GRID2: variants seen among roughly 807,000 people sequenced by gnomAD.
The protein encoded by GRID2 is glutamate receptor ionotropic, delta-2.
A neutral mutation model predicts 114.8 loss-of-function variants in GRID2; 33 were observed. The observed-to-expected ratio is 0.29, with a 90% CI of 0.22 to 0.38. The LOEUF (loss-of-function observed/expected upper bound fraction) is 0.38. Among genes scored for constraint, GRID2 ranks in the 10% least tolerant of loss-of-function variants. GRID2 has a pLI of 1.00. For synonymous variants in GRID2, 505 were observed against 449.9 expected, an observed-to-expected ratio of 1.12 and a Z score of -1.55; for missense variants, 1,184 against 1,257.7, an observed-to-expected ratio of 0.94 and a Z score of 0.89.
intron 1 of GRID2, among the ~76,000 whole-genome samples, chr4:92,395,101 T>C (rs1730428858): frequency 6.6e-6 from 1 of 151,604 alleles, no homozygotes; most frequent in South Asian, 2.1e-4. Flanking sequence ...CATAAATATT[T>C]TCTTTAAAAT....
chr4:92,716,524 C>T (rs1735558955), intron 2 of GRID2, among the ~76,000 whole-genome samples: 1 of 152,146 alleles, frequency 6.6e-6, no homozygotes, highest in South Asian at 2.1e-4. Flanking sequence ...ATATAAGACC[C>T]TCACTTCCCC....
chr4:93,350,593 C>A (rs149147876), intron 8 of GRID2, among the ~76,000 whole-genome samples: 6,022 of 151,772 alleles, frequency 0.04, 155 homozygotes, highest in South Asian at 0.067. Flanking sequence ...TAAAAAAAAT[C>A]CCTCCCTGCC....
At chr4:93,724,983 T>G (rs996308195) in intron 14 of GRID2, among the ~76,000 whole-genome samples, 4 of 152,174 alleles carry the variant, frequency 2.6e-5, no homozygotes, top group African/African-American at 9.6e-5. Context: ...AGTTTTATTT[T>G]TAATTTTATT....
chr4:93,622,194 A>G (rs79500721), intron 13 of GRID2, among the ~76,000 whole-genome samples: 3,786 of 152,272 alleles, frequency 0.025, 168 homozygotes, highest in African/African-American at 0.087. Context: ...TGCAAAGATC[A>G]GAGAAAAGAA....
Position 93,005,513 on chromosome 4 carries a change from C to T in GRID2, c.245-79482C>T, listed in dbSNP as rs191435962. ...ATCTTTTCAAAATGGATACTTTCCT[C>T]GGAACTCTCAAATAACTTATCACTT... On this transcript the variant is annotated intron_variant, in intron 2 of 15. Transcript: ENST00000282020. 1.7e-3 allele frequency among the ~76,000 whole-genome samples: 260 copies of T among 152,052 alleles called. 1 individual carries two copies. Among genetic ancestry groups the T allele is most frequent in the African/African-American group, 6.0e-3 (250 of 41,510 alleles).
chr4:93,056,468 G>GA (rs561977026), intron 2 of GRID2, among the ~76,000 whole-genome samples: 174 of 150,064 alleles, frequency 1.2e-3, no homozygotes, highest in African/African-American at 3.7e-3. Flanking sequence ...GCATAGACTA[G>GA]AAAAAAAAAT....
chr4:93,510,541 T>C (rs1560697143), intron 12 of GRID2, among the ~76,000 whole-genome samples: 1 of 152,212 alleles, frequency 6.6e-6, no homozygotes, highest in Non-Finnish European at 1.5e-5. Flanking sequence ...TAATATAAAA[T>C]TGTATAAATG....
intron 3 of GRID2, among the ~76,000 whole-genome samples, chr4:93,103,861 T>G (rs953062980): frequency 2.6e-5 from 4 of 152,100 alleles, no homozygotes; most frequent in South Asian, 2.1e-4. Flanking sequence ...TTGTTTGTTT[T>G]TTTCCTGAGC....
chr4:93,625,528 G>T (rs942742397), intron 13 of GRID2, among the ~76,000 whole-genome samples: 1 of 152,188 alleles, frequency 6.6e-6, no homozygotes, highest in South Asian at 2.1e-4. Flanking sequence ...CTCCATATCT[G>T]CAGGTTCTGC....
chr4:92,410,980 A>G (rs1416795179), intron 1 of GRID2, among the ~76,000 whole-genome samples: 1 of 152,058 alleles, frequency 6.6e-6, no homozygotes, highest in Non-Finnish European at 1.5e-5. Context: ...TGAAAAAAAC[A>G]AACAGCAACA....
Position 93,577,137 on chromosome 4 carries a change from C to T in GRID2, c.2194-49132C>T, listed in dbSNP as rs137981585. On this transcript the variant is annotated intron_variant, in intron 13 of 15. Coordinates refer to ENST00000282020, the MANE Select transcript of GRID2 (RefSeq NM_001510.4). ...GTCTGCCATTTCTTCCTTAATTAAG[C>T]ATGTATTAAGTGTTTACACTCAAGC... Among the ~76,000 whole-genome samples the T allele has an allele frequency of 4.0e-3, 612 of 152,142 alleles. 4 individuals are homozygous for T. The highest frequency in any genetic ancestry group is 0.014 in the African/African-American group (568 of 41,498).
chr4:92,407,506 A>T (rs2110293564), intron 1 of GRID2, among the ~76,000 whole-genome samples: 1 of 152,312 alleles, frequency 6.6e-6, no homozygotes, highest in South Asian at 2.1e-4. Flanking sequence ...GGAAATCTCC[A>T]AACTGCTTTT....
At chr4:93,405,275 G>A (rs1424708298) in intron 9 of GRID2, among the ~76,000 whole-genome samples, 1 of 152,116 alleles carries the variant, frequency 6.6e-6, no homozygotes, top group East Asian at 1.9e-4. Context: ...AGCAACCATA[G>A]TATATGTGTT....
At chr4:93,213,341 C>T (rs1213445709) in intron 5 of GRID2, among the ~76,000 whole-genome samples, 2 of 151,850 alleles carry the variant, frequency 1.3e-5, no homozygotes, top group African/African-American at 2.4e-5. Context: ...AAAATACAAA[C>T]AAATAAGAAA....
At chr4:92,606,074 A>G (rs1453015199) in intron 2 of GRID2, among the ~76,000 whole-genome samples, 2 of 152,076 alleles carry the variant, frequency 1.3e-5, no homozygotes, top group East Asian at 3.9e-4. Flanking sequence ...TTTGAAAATA[A>G]ATTTACTCAG....
intron 2 of GRID2, among the ~76,000 whole-genome samples, chr4:93,072,393 T>C (rs981462204): frequency 2.0e-5 from 3 of 152,148 alleles, no homozygotes; most frequent in Admixed American, 1.3e-4. Flanking sequence ...TGAACTACTG[T>C]ATTTATTTGG....
At chr4:93,298,923 C>T (rs1319206820) in intron 8 of GRID2, among the ~76,000 whole-genome samples, 1 of 152,114 alleles carries the variant, frequency 6.6e-6, no homozygotes, top group East Asian at 1.9e-4. Flanking sequence ...TCAGTTGGGA[C>T]TCATTAGTGA....
chr4:92,737,967 A>T (rs1314556251), intron 2 of GRID2, among the ~76,000 whole-genome samples: 1 of 152,046 alleles, frequency 6.6e-6, no homozygotes, highest in Non-Finnish European at 1.5e-5. Flanking sequence ...AATCTCTACA[A>T]TGTTTCTCTC....
intron 8 of GRID2, among the ~76,000 whole-genome samples, chr4:93,262,963 A>C (rs1412102383): frequency 1.3e-5 from 2 of 151,988 alleles, no homozygotes; most frequent in African/African-American, 4.8e-5. Context: ...ACAAAAATGT[A>C]ACTCCTTGTT....
Sources: allele counts gnomAD v4.1 joint callset (sites outside exome capture counted in the v4.1 genomes callset), GRCh38; gene constraint gnomAD v4.1.1; transcripts MANE v1.5; gene names NCBI Gene and HGNC (gene_info 2026-07-23, HGNC 2026-07-21).